Variants in RGS3 observed in about 807,000 individuals in gnomAD.
RGS3 encodes the protein regulator of G protein signaling 3, also known as regulator of G-protein signalling 3.
RGS3 carries 80 observed loss-of-function variants against 132.6 expected under a neutral mutation model. That is an observed-to-expected ratio of 0.60 (90% CI 0.50 to 0.73). The LOEUF (loss-of-function observed/expected upper bound fraction) is 0.73. Ranked by LOEUF, RGS3 falls within the 30% of genes least tolerant of loss-of-function variation. The probability of loss-of-function intolerance (pLI) is 0.00; values close to 1 mark genes in which losing one functional copy is unlikely to be tolerated. For missense variants in RGS3, 1,382 were observed against 1,530.8 expected (o/e 0.90, Z 1.62); for synonymous variants, 598 against 620.6 (o/e 0.96, Z 0.54).
chr9:113,516,750 G>A (rs574021134), intron 15 of RGS3, among the ~76,000 whole-genome samples: 14 of 152,256 alleles, frequency 9.2e-5, no homozygotes, highest in African/African-American at 3.4e-4. Flanking sequence ...AGGCTGGAGT[G>A]CAGTGGTATG....
chr9:113,538,236 G>A (rs533643863), intron 19 of RGS3, among the ~76,000 whole-genome samples: 1 of 152,204 alleles, frequency 6.6e-6, no homozygotes, highest in African/African-American at 2.4e-5. Flanking sequence ...ATTGCCCCCT[G>A]CCCAGCCCCA....
chr9:113,579,739 A>G lies in RGS3; in HGVS notation c.2038-3711A>G, dbSNP rs1005322152. Reference sequence around the variant, plus strand: ...CTGTTTTTTCTACTTAACTGAGGGCAGAGATTGTGTCTGACTTGTTCCCTG... The same window carrying G: ...CTGTTTTTTCTACTTAACTGAGGGCGGAGATTGTGTCTGACTTGTTCCCTG... On this transcript the variant is annotated intron_variant, in intron 19 of 24. Coordinates refer to ENST00000350696, the Ensembl canonical transcript of RGS3. The surrounding 1 kb of genome is among the most constrained non-coding windows in gnomAD (Gnocchi z 4.3). Among the ~76,000 whole-genome samples, 1 of 152,210 alleles carries G rather than the reference A, an allele frequency of 6.6e-6. No individual in the cohort carries two copies. The highest frequency in any genetic ancestry group is 1.5e-5 in the Non-Finnish European group (1 of 68,042).
intron 1 of RGS3, among the ~76,000 whole-genome samples, chr9:113,451,151 C>G (rs1829233251): frequency 6.6e-6 from 1 of 151,190 alleles, no homozygotes; most frequent in African/African-American, 2.4e-5. Context: ...GCACCTCCAG[C>G]CTGGGCAACA....
At chr9:113,478,973 G>A (rs1274943582) in intron 3 of RGS3, 3 of 162,498 alleles carry the variant, frequency 1.8e-5, no homozygotes, top group East Asian at 1.8e-4. Context: ...CATTTCAGGT[G>A]TTTCCAGTTT....
intron 19 of RGS3, among the ~76,000 whole-genome samples, chr9:113,554,482 T>G (rs553041265): frequency 3.8e-4 from 58 of 152,308 alleles, no homozygotes; most frequent in African/African-American, 1.3e-3. Flanking sequence ...CATTTTTGTA[T>G]TTTTAGTAGA....
chr9:113,592,674 A>G (rs1271227621), intron 21 of RGS3: 2 of 151,970 alleles, frequency 1.3e-5, no homozygotes, highest in Non-Finnish European at 2.9e-5. Context: ...TTTAGTAGAG[A>G]TGGGGGTTTT....
Position 113,508,530 on chromosome 9 carries a change from T to G in RGS3, c.1438-11T>G. 6.2e-7 allele frequency: 1 copy of G among 1,612,676 alleles called. No individual in the cohort carries two copies. Among genetic ancestry groups the G allele is most frequent in the Non-Finnish European group, 8.5e-7 (1 of 1,179,956 alleles). The stretch of plus-strand genomic sequence containing the variant: ...TGGGGCTGAGGTGGTTTTCCTGTCT[T>G]TCCCTTGCAGCTGCTCCGGCCTGTG... On this transcript the variant is annotated splice_polypyrimidine_tract_variant and intron_variant, in intron 13 of 24. Transcript: ENST00000350696.
Position 113,475,810 on chromosome 9 carries a change from A to G in RGS3, c.416-3681A>G, listed in dbSNP as rs1266112677. Among the ~76,000 whole-genome samples, 4 of 152,238 alleles carry G rather than the reference A, an allele frequency of 2.6e-5. No individual in the cohort carries two copies. In the South Asian group the frequency reaches 8.3e-4, roughly 32 times the overall value. On this transcript the variant is annotated intron_variant, in intron 3 of 24. Transcript: ENST00000350696. ...GGGGGGGTGTTCTGAAAGGATGCCA[A>G]ATTAGCTGGTGCTTCGGTGAGCTGA...
chr9:113,580,751 C>T lies in RGS3; in HGVS notation c.2038-2699C>T, dbSNP rs550493315. The T allele has an allele frequency of 2.4e-4, 230 of 975,478 alleles. 3 individuals carry two copies. The highest frequency in any genetic ancestry group is 9.5e-4 in the South Asian group (20 of 21,098). The allele number at this position is 975,478 out of a possible 1,614,324, so 60.4% of individuals were successfully genotyped here. On this transcript the variant is annotated intron_variant, in intron 19 of 24. Coordinates refer to ENST00000350696, the Ensembl canonical transcript of RGS3. ...CTCCTGGCTTTGTTTGGTTTGGCCT[C>T]GATTTAGAACAGGGTTGGCAGAGGC... is the stretch of plus-strand genomic sequence containing the variant.
chr9:113,495,703 C>T, intron 7 of RGS3, 83 bp from the exon 6 acceptor site: 1 of 1,129,620 alleles, frequency 8.9e-7, no homozygotes, highest in Non-Finnish European at 1.4e-6. Flanking sequence ...GTGCATCAGG[C>T]AAACCCATGC....
intron 21 of RGS3, chr9:113,593,967 CG>C (rs766138775): frequency 3.1e-5 from 50 of 1,612,850 alleles, no homozygotes; most frequent in Admixed American, 5.0e-5. Context: ...GGCTTCCTGC[CG>C]GGGCGGCCCC....
At position 113,565,488 on chromosome 9, in the gene RGS3, C is replaced by G. The variant is rs775538703; in HGVS notation, c.2038-17962C>G. On this transcript the variant is annotated intron_variant, in intron 19 of 24. Transcript: ENST00000350696. This position sits in a 1 kb window ranked among gnomAD's most constrained non-coding sequence, Gnocchi z 5.7. ...GCTACCTAGATGTGGGAGGTGGAAC[C>G]TGGTCATTTGGTTCTGCTTTTCCTA... 2.2e-5 allele frequency: 18 copies of G among 821,066 alleles called. No individual in the cohort carries two copies. Among genetic ancestry groups the G allele is most frequent in the Non-Finnish European group, 3.1e-5 (18 of 578,278 alleles). 50.9% of individuals were successfully genotyped at this position (821,066 alleles called of 1,614,324 possible).
At position 113,591,625 on chromosome 9, in the gene RGS3, C is replaced by G; in HGVS notation, c.3080+228C>G. 1 of 523,456 alleles carries G rather than the reference C, an allele frequency of 1.9e-6. No homozygotes were observed. Among genetic ancestry groups the G allele is most frequent in the Non-Finnish European group, 3.5e-6 (1 of 287,752 alleles). The allele number at this position is 523,456 out of a possible 1,614,324, so 32.4% of individuals were successfully genotyped here. A position where few individuals can be genotyped will look rare whatever the true frequency, so the allele number is the denominator to read the frequency against. On this transcript the variant is annotated intron_variant, in intron 21 of 24. Coordinates refer to ENST00000350696, the Ensembl canonical transcript of RGS3. The surrounding 1 kb of genome is among the most constrained non-coding windows in gnomAD (Gnocchi z 4.4). ...AGTGAGGCAAAGTGCTGATTCAGTA[C>G]CCGGAAGCCACAGTGAACCAGAAGC...
intron 16 of RGS3, chr9:113,522,717 A>G: frequency 1.8e-6 from 1 of 567,520 alleles, no homozygotes; most frequent in African/African-American, 1.9e-5. Flanking sequence ...GAGTGGAAGT[A>G]TAGGAAGCTG....
At chr9:113,509,978 T>C (rs1334860978) in intron 14 of RGS3, among the ~76,000 whole-genome samples, 1 of 152,170 alleles carries the variant, frequency 6.6e-6, no homozygotes, top group African/African-American at 2.4e-5. Flanking sequence ...GGGGTACAAG[T>C]GGTATTTGGT....
intron 7 of RGS3, among the ~76,000 whole-genome samples, chr9:113,486,336 C>A (rs544956148): frequency 6.6e-6 from 1 of 152,306 alleles, no homozygotes; most frequent in African/African-American, 2.4e-5. Flanking sequence ...AAAGCATGAG[C>A]AAAGGCAAGG....
intron 6 of RGS3, among the ~76,000 whole-genome samples, chr9:113,485,244 T>C (rs1588150281): frequency 6.6e-6 from 1 of 152,240 alleles, no homozygotes; most frequent in South Asian, 2.1e-4. Context: ...CCTGCCGCCA[T>C]GCCTGGCTAA....
chr9:113,577,687 G>C (rs1564596946), intron 19 of RGS3, among the ~76,000 whole-genome samples: 1 of 152,162 alleles, frequency 6.6e-6, no homozygotes, highest in African/African-American at 2.4e-5. Flanking sequence ...CCTGGCCCGG[G>C]GCTTTGGCCT....
At chr9:113,581,979 T>C (rs1263020058) in intron 19 of RGS3, 1 of 973,846 alleles carries the variant, frequency 1.0e-6, no homozygotes, top group Non-Finnish European at 1.2e-6. Context: ...CCACCTTCTC[T>C]GCTCTGCAGG....
Sources: allele counts gnomAD v4.1 joint callset (sites outside exome capture counted in the v4.1 genomes callset), GRCh38; gene constraint gnomAD v4.1.1; non-coding constraint Gnocchi (gnomAD v3.1); transcripts MANE v1.5; gene names NCBI Gene and HGNC (gene_info 2026-07-23, HGNC 2026-07-21).